CKAP5: variants seen among roughly 807,000 people sequenced by gnomAD.
The protein encoded by CKAP5 is cytoskeleton associated protein 5, also known as cytoskeleton-associated protein 5.
A neutral mutation model predicts 232.8 loss-of-function variants in CKAP5; 27 were observed. The observed-to-expected ratio is 0.12, with a 90% CI of 0.09 to 0.16. The LOEUF is 0.16. Among genes scored for constraint, CKAP5 ranks in the 10% least tolerant of loss-of-function variants. The pLI is 1.00. For synonymous variants in CKAP5, 785 were observed against 841.1 expected, an observed-to-expected ratio of 0.93 and a Z score of 1.16; for missense variants, 1,838 against 2,424.7, an observed-to-expected ratio of 0.76 and a Z score of 5.08.
chr11:46,829,838 A>ATATGTGTG (rs1412461020), intron 1 of CKAP5, among the ~76,000 whole-genome samples: 2 of 143,032 alleles, frequency 1.4e-5, no homozygotes, highest in African/African-American at 5.2e-5. Flanking sequence ...CCTTTTTTGT[A>ATATGTGTG]TGTGTGTGTG....
intron 9 of CKAP5, among the ~76,000 whole-genome samples, chr11:46,800,358 T>C (rs927640847): frequency 3.9e-5 from 6 of 152,170 alleles, no homozygotes; most frequent in Admixed American, 1.3e-4. Context: ...CCAAATACCA[T>C]AGCTCATGTG....
intron 32 of CKAP5, among the ~76,000 whole-genome samples, chr11:46,761,022 G>A (rs576462737): frequency 1.6e-4 from 24 of 152,162 alleles, no homozygotes. Flanking sequence ...GCCAAAGCAG[G>A]AGGATCACTT....
rs551844664 is a variant in CKAP5 at position 46,746,606 on chromosome 11, C to T, written c.5705-2029G>A. On this transcript the variant is annotated intron_variant, in intron 42 of 43. Coordinates refer to ENST00000529230, the MANE Select transcript of CKAP5 (RefSeq NM_001008938.4). The stretch of plus-strand genomic sequence containing the variant: ...TATGTATCTAAACATAGAGAAGGTA[C>T]AGTAAGAATGTTGTATAAAAGATAA... Among the ~76,000 whole-genome samples the T allele has an allele frequency of 5.3e-5, 8 of 152,124 alleles. No individual in the cohort carries two copies. In the South Asian group the frequency reaches 8.3e-4, roughly 16 times the overall value.
In CKAP5 at chr11:46,834,971, A is replaced by AT. The variant is rs113526136; in HGVS notation, c.-38+11248dup. Among the ~76,000 whole-genome samples the AT allele has an allele frequency of 4.7e-3, 693 of 146,960 alleles. 6 individuals are homozygous for AT. Among genetic ancestry groups the AT allele is most frequent in the Non-Finnish European group, 7.9e-3 (525 of 66,808 alleles). On this transcript the variant is annotated intron_variant, in intron 1 of 43. Coordinates refer to ENST00000529230, the MANE Select transcript of CKAP5 (RefSeq NM_001008938.4). ...AGGCATGCACCACCACTCCCAGCTAATTTTTTTTTTTTTTCCTAGATATGA... is the reference window on the plus strand; with the variant it reads ...AGGCATGCACCACCACTCCCAGCTAATTTTTTTTTTTTTTTCCTAGATATGA...
chr11:46,841,558 G>A (rs1013634394), intron 1 of CKAP5, among the ~76,000 whole-genome samples: 1 of 152,176 alleles, frequency 6.6e-6, no homozygotes, highest in African/African-American at 2.4e-5. Flanking sequence ...TGATTCTTAG[G>A]TGGCCAAGTG....
chr11:46,747,047 GA>G (rs1221009855), intron 42 of CKAP5, among the ~76,000 whole-genome samples: 2 of 152,150 alleles, frequency 1.3e-5, no homozygotes, highest in African/African-American at 4.8e-5. Flanking sequence ...CAAGGCAAAA[GA>G]ATCACTTGAA....
At chr11:46,786,138 C>G (rs1025365105) in intron 16 of CKAP5, among the ~76,000 whole-genome samples, 2 of 152,170 alleles carry the variant, frequency 1.3e-5, no homozygotes, top group Non-Finnish European at 2.9e-5. Flanking sequence ...CAAAAACTAT[C>G]CAAATCAACT....
chr11:46,813,934 C>T (rs1257037155), intron 4 of CKAP5, among the ~76,000 whole-genome samples: 2 of 151,586 alleles, frequency 1.3e-5, no homozygotes, highest in African/African-American at 4.9e-5. Flanking sequence ...GAGTTCCAGA[C>T]CAGCCTGACC....
intron 1 of CKAP5, among the ~76,000 whole-genome samples, chr11:46,825,327 G>A (rs1162142219): frequency 6.6e-6 from 1 of 152,168 alleles, no homozygotes; most frequent in African/African-American, 2.4e-5. Context: ...AAGGGACAGA[G>A]AGATTAAGTC....
chr11:46,824,997 G>A (rs1939620498), intron 1 of CKAP5, among the ~76,000 whole-genome samples: 1 of 152,062 alleles, frequency 6.6e-6, no homozygotes, highest in Non-Finnish European at 1.5e-5. Flanking sequence ...AAGACAAGTA[G>A]GTCAGCTAAA....
intron 2 of CKAP5, 33 bp from the exon 3 acceptor site, chr11:46,818,536 T>C: frequency 1.4e-6 from 2 of 1,428,610 alleles, no homozygotes; most frequent in Non-Finnish European, 1.9e-6. Context: ...AAACAAAACA[T>C]AATTTAATGA....
At position 46,743,734 on chromosome 11, in the gene CKAP5, A is replaced by AAAAAG. The variant is rs59726492; in HGVS notation, c.*284_*288dup. ...AGGACAATTTTACAAATGAGCAATTAAAAAGAAAAGAAAAGGATCTGGGAA... is the reference window on the plus strand; with the variant it reads ...AGGACAATTTTACAAATGAGCAATTAAAAAGAAAAGAAAAGAAAAGGATCTGGGAA... On this transcript the variant is annotated 3_prime_UTR_variant, in exon 44 of 44. Transcript: ENST00000529230. 120 of 341,754 alleles carry AAAAAG rather than the reference A, an allele frequency of 3.5e-4. No individual in the cohort carries two copies. Among genetic ancestry groups the AAAAAG allele is most frequent in the African/African-American group, 2.4e-3 (116 of 49,130 alleles). The allele number at this position is 341,754 out of a possible 1,614,324, so 21.2% of individuals were successfully genotyped here.
intron 9 of CKAP5, among the ~76,000 whole-genome samples, chr11:46,800,863 C>G (rs1409959396): frequency 3.3e-5 from 5 of 152,080 alleles, no homozygotes; most frequent in African/African-American, 1.2e-4. Flanking sequence ...CTGGTCGTTA[C>G]AAGTTTTGTT....
chr11:46,757,770 T>G (rs1276330343), intron 35 of CKAP5, among the ~76,000 whole-genome samples: 4 of 149,328 alleles, frequency 2.7e-5, no homozygotes, highest in Non-Finnish European at 4.5e-5. Flanking sequence ...GTATTTTTAG[T>G]AGAGACGGGG....
At chr11:46,782,847 A>C (rs889848476) in intron 18 of CKAP5, among the ~76,000 whole-genome samples, 20 of 152,246 alleles carry the variant, frequency 1.3e-4, no homozygotes, top group Admixed American at 1.2e-3. Flanking sequence ...TTAAATAAAC[A>C]ACCGTGCTCT....
At position 46,760,691 on chromosome 11, in the gene CKAP5, G is replaced by T. The variant is rs747938273; in HGVS notation, c.4315C>A (p.Pro1439Thr). Residue 1439 changes from proline to threonine, a missense_variant, in exon 33 of 44, where the codon CCT (proline) becomes ACT (threonine). This residue lies in a region of CKAP5 where 579 missense variants were observed against 843.2 expected (regional missense o/e 0.69). Transcript: ENST00000529230. ...AAPIKQVEEK[P>T]QRAQNISSNA... is the part of the protein sequence containing the mutation. ...GAGCTTATGTTCTGTGCACGCTGAGGTTTCTCTTCCACCTGTTTTATTGGT... is the reference window on the plus strand; with the variant it reads ...GAGCTTATGTTCTGTGCACGCTGAGTTTTCTCTTCCACCTGTTTTATTGGT... 1 of 1,614,208 alleles carries T rather than the reference G, an allele frequency of 6.2e-7. No individual in the cohort carries two copies. Among genetic ancestry groups the T allele is most frequent in the African/African-American group, 1.3e-5 (1 of 75,062 alleles).
In CKAP5 at chr11:46,743,668, A is replaced by C. The variant is rs2065000922; in HGVS notation, c.*355T>G. 1 of 239,538 alleles carries C rather than the reference A, an allele frequency of 4.2e-6. No individual in the cohort carries two copies. Among genetic ancestry groups the C allele is most frequent in the African/African-American group, 2.2e-5 (1 of 45,280 alleles). The allele number at this position is 239,538 out of a possible 1,614,324, so 14.8% of individuals were successfully genotyped here. A position where few individuals can be genotyped will look rare whatever the true frequency, so the allele number is the denominator to read the frequency against. ...TCACAAACTGAAAGGAAAACTATTAAAGAGTTTCTAATATTAACTATTAAA... is the reference window on the plus strand; with the variant it reads ...TCACAAACTGAAAGGAAAACTATTACAGAGTTTCTAATATTAACTATTAAA... On this transcript the variant is annotated 3_prime_UTR_variant, in exon 44 of 44. Coordinates refer to ENST00000529230, the MANE Select transcript of CKAP5 (RefSeq NM_001008938.4).
At chr11:46,809,687 G>A (rs1939233149) in intron 6 of CKAP5, 55 bp downstream of exon 6, 1 of 1,597,734 alleles carries the variant, frequency 6.3e-7, no homozygotes, top group Non-Finnish European at 8.6e-7. Context: ...AGATTCTCAT[G>A]GCAGTGCCAG....
intron 13 of CKAP5, among the ~76,000 whole-genome samples, chr11:46,795,197 C>T (rs1938840074): frequency 6.6e-6 from 1 of 151,738 alleles, no homozygotes; most frequent in Non-Finnish European, 1.5e-5. Flanking sequence ...GGCATGGTGG[C>T]ACGTGCCTGT....
Sources: allele counts gnomAD v4.1 joint callset (sites outside exome capture counted in the v4.1 genomes callset), GRCh38; gene constraint gnomAD v4.1.1; regional missense constraint gnomAD v4.1.1; transcripts MANE v1.5; gene names NCBI Gene and HGNC (gene_info 2026-07-23, HGNC 2026-07-21).